The following PAGE1 variants were observed in gnomAD, a reference collection of about 807,000 sequenced individuals.
The protein encoded by PAGE1 is PAGE family member 1.
PAGE1 carries 6 observed loss-of-function variants against 11.5 expected under a neutral mutation model. The observed-to-expected ratio is 0.52, with a 90% CI of 0.29 to 1.03. The LOEUF (loss-of-function observed/expected upper bound fraction) is 1.03. Among genes scored for constraint, PAGE1 ranks in the 50% least tolerant of loss-of-function variants. The probability of loss-of-function intolerance (pLI) is 0.09; values close to 1 mark genes in which losing one functional copy is unlikely to be tolerated. For synonymous variants in PAGE1, 42 were observed against 40.2 expected, an observed-to-expected ratio of 1.05 and a Z score of -0.17; for missense variants, 120 against 110.2, an observed-to-expected ratio of 1.09 and a Z score of -0.40.
At chrX:49,689,566 AAAAAAAAAAATATATATATAT>A (rs2066897533) in intron 4 of PAGE1, 23 bp from the exon 5 acceptor site, 1 of 187,380 alleles carries the variant, frequency 5.3e-6, no homozygotes, top group African/African-American at 9.9e-5. Context: ...AAAAAAAAAA[AAAAAAAAAAATATATATATAT>A]ATATATATAT....
chrX:49,689,300 C>G, intron 5 of PAGE1, 118 bp downstream of exon 5: 1 of 737,353 alleles, frequency 1.4e-6, no homozygotes. Flanking sequence ...GAGATGGCAC[C>G]ACTGCACTCC....
chrX:49,689,333 T>C, intron 5 of PAGE1, 85 bp downstream of exon 5: 1 of 889,150 alleles, frequency 1.1e-6, no homozygotes, highest in Non-Finnish European at 1.4e-6. Flanking sequence ...AGAGCGAGAC[T>C]CTGTCTCAAA....
intron 3 of PAGE1, among the ~76,000 whole-genome samples, chrX:49,691,885 C>T (rs1224683538): frequency 8.9e-6 from 1 of 112,024 alleles, no homozygotes; most frequent in East Asian, 2.8e-4. Flanking sequence ...ACCTGGAATC[C>T]CAGCACTTTG....
chrX:49,693,555 T>C (rs2066928540), intron 3 of PAGE1, among the ~76,000 whole-genome samples: 2 of 111,600 alleles, frequency 1.8e-5, no homozygotes, highest in East Asian at 2.8e-4. Context: ...ACCAGCTACC[T>C]GTATGGCAGT....
At chrX:49,689,597 T>TATATATACATATAC (rs2066899821) in intron 4 of PAGE1, 54 bp from the exon 5 acceptor site, 4 of 62,863 alleles carry the variant, frequency 6.4e-5, no homozygotes, top group African/African-American at 3.8e-4. Flanking sequence ...TATATATATA[T>TATATATACATATAC]ATATATATAT....
intron 2 of PAGE1, 103 bp downstream of exon 2, chrX:49,694,605 A>T: frequency 2.2e-6 from 1 of 450,100 alleles, no homozygotes; most frequent in Non-Finnish European, 3.8e-6. Flanking sequence ...TACCTTTATT[A>T]GTGTATCTAT....
intron 3 of PAGE1, 72 bp downstream of exon 3, chrX:49,694,026 AC>A: frequency 2.9e-6 from 1 of 350,086 alleles, no homozygotes; most frequent in Non-Finnish European, 4.6e-6. Flanking sequence ...CATGAGACAC[AC>A]ACACACACAC....
rs2272705 is a variant in PAGE1, at chrX:49,691,648, T to C, written c.167-274A>G. 7.2e-5 allele frequency among the ~76,000 whole-genome samples: 8 copies of C among 111,493 alleles called. No individual in the cohort carries two copies. The East Asian group carries it at 2.3e-3, about 31-fold the overall frequency. On this transcript the variant is annotated intron_variant, in intron 3 of 5. Transcript: ENST00000376150. ...TTATCTGTTATTGTATTTCTGATTG[T>C]CCTTATTATATTAAATGACTCAAGG...
At chrX:49,688,267 C>G (rs1312440478) in intron 5 of PAGE1, among the ~76,000 whole-genome samples, 1 of 111,976 alleles carries the variant, frequency 8.9e-6, no homozygotes, top group African/African-American at 3.2e-5. Flanking sequence ...TCAGGCATGG[C>G]AGCTTGTGCC....
At chrX:49,688,464 G>C (rs935841005) in intron 5 of PAGE1, among the ~76,000 whole-genome samples, 10 of 111,076 alleles carry the variant, frequency 9.0e-5, no homozygotes, top group Middle Eastern at 4.6e-3. Context: ...TCTCCACACA[G>C]AAAAACTAAC....
Position 49,687,452 on chromosome X carries a change from T to G in PAGE1, c.*89A>C. The G allele has an allele frequency of 1.2e-6, 1 of 861,579 alleles. No homozygotes were observed. The highest frequency in any genetic ancestry group is 1.7e-6 in the Non-Finnish European group (1 of 580,429). The allele number at this position is 861,579 out of a possible 1,213,427, so 71.0% of individuals were successfully genotyped here. On this transcript the variant is annotated 3_prime_UTR_variant, in exon 6 of 6. Coordinates refer to ENST00000376150, the MANE Select transcript of PAGE1 (RefSeq NM_003785.4). ...TAACAAAAGATGCACAAGACTTCTT[T>G]GCAGAAGGCTGTAAAGCTTTATTGG...
intron 3 of PAGE1, 74 bp downstream of exon 3, chrX:49,694,024 AC>A: frequency 4.6e-6 from 1 of 216,871 alleles, no homozygotes; most frequent in Non-Finnish European, 7.3e-6. Context: ...TGCATGAGAC[AC>A]ACACACACAC....
In PAGE1 at chrX:49,689,836, G is replaced by A. The variant is rs190539483; in HGVS notation, c.293-293C>T. 2.5e-4 allele frequency among the ~76,000 whole-genome samples: 14 copies of A among 55,312 alleles called. 1 individual carries two copies. The highest frequency in any genetic ancestry group is 7.3e-4 in the African/African-American group (7 of 9,559). The allele number at this position is 55,312 out of a possible 115,157, so 48.0% of individuals were successfully genotyped here. ...TATACACACATATATGTGTATATAT[G>A]TGTGTATATACACACATATATAGGT... On this transcript the variant is annotated intron_variant, in intron 4 of 5. Transcript: ENST00000376150.
rs977947879 is a variant in PAGE1 at position 49,694,194 on chromosome X, C to G, written c.71G>C (p.Ser24Thr). 2.6e-6 allele frequency: 3 copies of G among 1,151,502 alleles called. No homozygotes were observed. The African/African-American group carries it at 5.4e-5, about 21-fold the overall frequency. 94.9% of individuals were successfully genotyped at this position (1,151,502 alleles called of 1,213,427 possible). ...MIYVESSEES[S>T]DEQPDEVESP... ...TTCCACTTCGTCAGGTTGCTCATCA[C>G]TGGACTCCTTGTGGTAGGGAATATG... The change falls in exon 3 of 6, where the codon AGT (serine) becomes ACT (threonine). Residue 24 changes from serine to threonine, a missense_variant. Physicochemically the swap from Ser to Thr is moderately conservative, Grantham distance 58. Transcript: ENST00000376150.
rs945695338 is a variant in PAGE1, at chrX:49,691,506, C to G, written c.167-132G>C. The G allele has an allele frequency of 7.4e-5, 37 of 501,182 alleles. No individual in the cohort carries two copies. In the African/African-American group the frequency reaches 8.8e-4, roughly 12 times the overall value. The allele number at this position is 501,182 out of a possible 1,213,427, so 41.3% of individuals were successfully genotyped here. A position where few individuals can be genotyped will look rare whatever the true frequency, so the allele number is the denominator to read the frequency against. ...TAATAATAAATGTGTTGATAAGAAT[C>G]CCAAGAACATTATTTCAGGAGTCTG... On this transcript the variant is annotated intron_variant, in intron 3 of 5. Transcript: ENST00000376150.
chrX:49,691,986 A>G (rs2066922153), intron 3 of PAGE1, among the ~76,000 whole-genome samples: 1 of 110,766 alleles, frequency 9.0e-6, no homozygotes, highest in East Asian at 2.8e-4. Flanking sequence ...AAAATACAAA[A>G]GAAAAAATAA....
At chrX:49,690,088 TGTG>T (rs1557141987) in intron 4 of PAGE1, among the ~76,000 whole-genome samples, 15 of 52,668 alleles carry the variant, frequency 2.8e-4, no homozygotes, top group East Asian at 2.7e-3. Context: ...TGTGTATATA[TGTG>T]TATATATGTG....
chrX:49,689,798 A>G (rs1411678801), intron 4 of PAGE1, among the ~76,000 whole-genome samples: 7 of 61,573 alleles, frequency 1.1e-4, no homozygotes, highest in African/African-American at 3.6e-4. Context: ...ATATATATGT[A>G]TATATATGTG....
At chrX:49,692,340 G>A (rs1394826718) in intron 3 of PAGE1, among the ~76,000 whole-genome samples, 1 of 111,116 alleles carries the variant, frequency 9.0e-6, no homozygotes, top group Admixed American at 9.7e-5. Flanking sequence ...TTAGGGTAAA[G>A]GGCCATAATA....
Sources: allele counts gnomAD v4.1 joint callset (sites outside exome capture counted in the v4.1 genomes callset), GRCh38; gene constraint gnomAD v4.1.1; transcripts MANE v1.5; gene names NCBI Gene and HGNC (gene_info 2026-07-23, HGNC 2026-07-21).